Variants in APPL2 observed in about 807,000 individuals in gnomAD.
APPL2 encodes the protein DCC-interacting protein 13-beta.
In APPL2, 84 loss-of-function variants were observed where a neutral mutation model predicts 92.7. The observed-to-expected ratio is 0.91, with a 90% CI of 0.76 to 1.09. The LOEUF (loss-of-function observed/expected upper bound fraction) is 1.09. APPL2 is among the 50% of genes least tolerant of loss of function. The probability of loss-of-function intolerance (pLI) is 0.00; values close to 1 mark genes in which losing one functional copy is unlikely to be tolerated. For missense variants in APPL2, 736 were observed against 824.5 expected (o/e 0.89, Z 1.31); for synonymous variants, 291 against 291.0 (o/e 1.00, Z 0.00).
rs143266379 is a variant in APPL2 at position 105,207,168 on chromosome 12, G to T, written c.514C>A (p.Arg172=). ...EVGKEVAAAR[R]KQHLSSLQYY... ...TGAAGGGAGGAGAGGTGCTGCTTCC[G>T]CCGGGCCGCGGCCACCTCTTTTCCG... The change falls in exon 8 of 21, where the codon CGG becomes AGG. Residue 172 remains arginine (R), a synonymous_variant. Transcript: ENST00000258530. The T allele has an allele frequency of 6.2e-6, 10 of 1,613,794 alleles. No individual in the cohort carries two copies. The highest frequency in any genetic ancestry group is 1.3e-5 in the African/African-American group (1 of 74,916).
intron 2 of APPL2, among the ~76,000 whole-genome samples, chr12:105,218,284 C>A (rs565190104): frequency 9.9e-5 from 15 of 152,262 alleles, no homozygotes; most frequent in Admixed American, 2.0e-4. Context: ...TTTTTTAACC[C>A]TTTACAAATG....
intron 4 of APPL2, among the ~76,000 whole-genome samples, chr12:105,211,740 G>A (rs1889238209): frequency 6.6e-6 from 1 of 152,206 alleles, no homozygotes; most frequent in South Asian, 2.1e-4. Flanking sequence ...GGAGGCTGAA[G>A]CCACGCCTGA....
intron 10 of APPL2, among the ~76,000 whole-genome samples, chr12:105,199,113 T>C (rs1475009922): frequency 1.3e-5 from 2 of 152,120 alleles, no homozygotes. Context: ...AGTGGTCTGT[T>C]TGCACATGGC....
At chr12:105,228,705 T>A (rs1890705046) in intron 2 of APPL2, among the ~76,000 whole-genome samples, 1 of 152,158 alleles carries the variant, frequency 6.6e-6, no homozygotes, top group Non-Finnish European at 1.5e-5. Flanking sequence ...GAACTGTGAC[T>A]CAAGTCTTTT....
chr12:105,218,560 C>T (rs1056753918), intron 2 of APPL2, among the ~76,000 whole-genome samples: 10 of 152,182 alleles, frequency 6.6e-5, no homozygotes, highest in Non-Finnish European at 1.3e-4. Context: ...GGCGCCAACA[C>T]GTGGAAGAAA....
At chr12:105,186,669 T>TATATGATATCGATATCATATC (rs372961910) in intron 17 of APPL2, among the ~76,000 whole-genome samples, 1 of 64,534 alleles carries the variant, frequency 1.5e-5, no homozygotes, top group Non-Finnish European at 3.1e-5. Flanking sequence ...ATATATCATA[T>TATATGATATCGATATCATATC]ATATGATATA....
At chr12:105,229,778 T>A (rs1890785189) in intron 1 of APPL2, 1 of 988,856 alleles carries the variant, frequency 1.0e-6, no homozygotes, top group South Asian at 4.7e-5. Flanking sequence ...TTCTTTTTCT[T>A]TCTTTCTTTC....
At chr12:105,207,756 G>A (rs1196751) in intron 7 of APPL2, among the ~76,000 whole-genome samples, 85,826 of 151,938 alleles carry the variant, frequency 0.56, 24,399 homozygotes, top group South Asian at 0.71. Flanking sequence ...TAATCTTACA[G>A]TGGCTCTAAG....
intron 2 of APPL2, among the ~76,000 whole-genome samples, chr12:105,227,939 T>G (rs1890643513): frequency 6.6e-6 from 1 of 152,200 alleles, no homozygotes; most frequent in Admixed American, 6.5e-5. Context: ...ACAATCACCC[T>G]CCTTTTGCGT....
intron 2 of APPL2, among the ~76,000 whole-genome samples, chr12:105,223,235 G>A (rs1392464186): frequency 6.6e-6 from 1 of 152,194 alleles, no homozygotes; most frequent in Non-Finnish European, 1.5e-5. Flanking sequence ...ATCGCCCAGG[G>A]AAGAGCTAAA....
At position 105,213,595 on chromosome 12, in the gene APPL2, A is replaced by G. The variant is rs114593632; in HGVS notation, c.286-2278T>C. On this transcript the variant is annotated intron_variant, in intron 4 of 20. Transcript: ENST00000258530. ...TTTTAGGGAAATCACCATGCGTGGA[A>G]ATCTCTGTGTGACTTATAACATGGA... Among the ~76,000 whole-genome samples the G allele has an allele frequency of 6.0e-3, 908 of 152,342 alleles. 19 individuals carry two copies. The highest frequency in any genetic ancestry group is 0.021 in the African/African-American group (858 of 41,570).
chr12:105,186,642 T>TATGATATAC (rs1886672994), intron 17 of APPL2, among the ~76,000 whole-genome samples: 1 of 63,420 alleles, frequency 1.6e-5, no homozygotes, highest in Admixed American at 1.9e-4. Context: ...ATATCATATA[T>TATGATATAC]ATGATATCGA....
chr12:105,184,823 G>C (rs1293162547), intron 17 of APPL2, among the ~76,000 whole-genome samples: 1 of 152,236 alleles, frequency 6.6e-6, no homozygotes, highest in African/African-American at 2.4e-5. Flanking sequence ...CTGGCAGGCA[G>C]GAACATTTAA....
At chr12:105,202,113 C>T (rs1478669492) in intron 9 of APPL2, among the ~76,000 whole-genome samples, 1 of 152,206 alleles carries the variant, frequency 6.6e-6, no homozygotes, top group East Asian at 1.9e-4. Flanking sequence ...CAAAACAGTA[C>T]TTTAGCTATC....
intron 5 of APPL2, 99 bp from the exon 6 acceptor site, chr12:105,208,298 A>C: frequency 2.1e-6 from 3 of 1,447,714 alleles, no homozygotes; most frequent in Admixed American, 3.5e-5. Flanking sequence ...ATATGCGTGC[A>C]AGGGAAGCCC....
intron 5 of APPL2, among the ~76,000 whole-genome samples, chr12:105,209,991 C>T (rs532070482): frequency 7.2e-5 from 11 of 151,730 alleles, no homozygotes; most frequent in African/African-American, 2.4e-4. Flanking sequence ...GACGGAGTCT[C>T]GCTCTGTCGC....
Position 105,176,909 on chromosome 12 carries a change from T to C in APPL2, c.1779A>G (p.Thr593=). Residue 593 remains threonine, a synonymous_variant, in exon 19 of 21, where the codon ACA becomes ACG. Transcript: ENST00000258530. ...PESTGEESLS[T]YIFESNSEGE... Reference sequence around the variant, plus strand: ...CTTCTGAGTTGCTTTCAAAAATGTATGTACTCAGAGATTCTTCTCCAGTGG... The same window carrying C: ...CTTCTGAGTTGCTTTCAAAAATGTACGTACTCAGAGATTCTTCTCCAGTGG... 2 of 1,614,136 alleles carry C rather than the reference T, an allele frequency of 1.2e-6. No homozygotes were observed. Among genetic ancestry groups the C allele is most frequent in the Non-Finnish European group, 1.7e-6 (2 of 1,180,008 alleles).
chr12:105,200,753 CAT>C (rs1375455964), intron 9 of APPL2, among the ~76,000 whole-genome samples: 2 of 152,200 alleles, frequency 1.3e-5, no homozygotes, highest in African/African-American at 4.8e-5. Flanking sequence ...TGTTTCTCCA[CAT>C]GAGCACCTCA....
intron 11 of APPL2, among the ~76,000 whole-genome samples, chr12:105,196,428 T>C (rs1330585063): frequency 3.9e-4 from 3 of 7,674 alleles, no homozygotes; most frequent in Non-Finnish European, 6.1e-4. Flanking sequence ...GTTAACTCTT[T>C]TTTTTTTTTT....
Sources: gnomAD v4.1 joint callset for allele counts (sites outside exome capture counted in the v4.1 genomes callset) on GRCh38, gnomAD v4.1.1 for gene constraint, MANE v1.5 for transcripts, NCBI Gene and HGNC (gene_info 2026-07-23, HGNC 2026-07-21) for gene names.